SLC4A5: variants seen among roughly 807,000 people sequenced by gnomAD.
SLC4A5 encodes the protein electrogenic sodium bicarbonate cotransporter 4.
Under a neutral mutation model 120.4 loss-of-function variants are expected in SLC4A5, and 96 were observed. The observed-to-expected ratio is 0.80, with a 90% confidence interval of 0.68 to 0.94. SLC4A5 has a LOEUF of 0.94. SLC4A5 is among the 40% of genes least tolerant of loss of function. The pLI is 0.00. For missense variants in SLC4A5, 1,259 were observed against 1,459.5 expected (o/e 0.86, Z 2.24); for synonymous variants, 550 against 571.1 (o/e 0.96, Z 0.53).
chr2:74,299,509 A>G (rs905896032), intron 7 of SLC4A5, among the ~76,000 whole-genome samples: 1 of 152,200 alleles, frequency 6.6e-6, no homozygotes, highest in Non-Finnish European at 1.5e-5. Context: ...CTGTGAGTCC[A>G]TCAAGCCTCT....
intron 7 of SLC4A5, among the ~76,000 whole-genome samples, chr2:74,286,422 G>T (rs1471998654): frequency 6.6e-6 from 1 of 152,186 alleles, no homozygotes; most frequent in Non-Finnish European, 1.5e-5. Flanking sequence ...CTTTCCAGCT[G>T]CCCATTGGAA....
At chr2:74,315,265 C>G (rs1046722912) in intron 5 of SLC4A5, among the ~76,000 whole-genome samples, 2 of 151,680 alleles carry the variant, frequency 1.3e-5, no homozygotes, top group Non-Finnish European at 2.9e-5. Context: ...TACAGTGAAA[C>G]TGCATCTCTA....
chr2:74,259,930 C>G (rs956623728), intron 11 of SLC4A5, among the ~76,000 whole-genome samples: 2 of 152,200 alleles, frequency 1.3e-5, no homozygotes, highest in Non-Finnish European at 2.9e-5. Context: ...TGTCACCAGG[C>G]TGTCTACTCT....
rs187934828 is a variant in SLC4A5 at position 74,221,565 on chromosome 2, C to T, written c.3332-64G>A. 22 of 1,502,918 alleles carry T rather than the reference C, an allele frequency of 1.5e-5. No individual in the cohort carries two copies. In the African/African-American group the frequency reaches 2.3e-4, roughly 16 times the overall value. 93.1% of individuals were successfully genotyped at this position (1,502,918 alleles called of 1,614,324 possible). A position where few individuals can be genotyped will look rare whatever the true frequency, so the allele number is the denominator to read the frequency against. ...TTGAGCACCATATTTCTCCGGGCTT[C>T]CCCCACCATTTCCTTTCTTTTCCTT... On this transcript the variant is annotated intron_variant, in intron 29 of 30. Coordinates refer to ENST00000394019, the Ensembl canonical transcript of SLC4A5.
intron 5 of SLC4A5, among the ~76,000 whole-genome samples, chr2:74,320,659 T>C (rs962535704): frequency 1.3e-5 from 2 of 152,150 alleles, no homozygotes; most frequent in African/African-American, 4.8e-5. Context: ...GGAGGAACTC[T>C]AGCAAGATGA....
chr2:74,252,085 C>A (rs1470242784), intron 16 of SLC4A5, 94 bp downstream of exon 16: 2 of 1,394,580 alleles, frequency 1.4e-6, no homozygotes, highest in African/African-American at 2.8e-5. Flanking sequence ...CGAGTGGGCA[C>A]TACAGACCAT....
At chr2:74,293,139 C>T (rs1031952032) in intron 7 of SLC4A5, among the ~76,000 whole-genome samples, 2 of 152,032 alleles carry the variant, frequency 1.3e-5, no homozygotes, top group African/African-American at 4.8e-5. Flanking sequence ...GAGAGGGAAC[C>T]CAAAGGAGCC....
chr2:74,217,229 A>C (rs1269887229), exon 31 of SLC4A5: 1 of 152,200 alleles, frequency 6.6e-6, no homozygotes, highest in Non-Finnish European at 1.5e-5. Context: ...TGATTTACTC[A>C]AGGTTTAAAT....
At chr2:74,285,830 G>T (rs1428688220) in exon 8 of SLC4A5, 1 of 1,612,770 alleles carries the variant, frequency 6.2e-7, no homozygotes, top group Non-Finnish European at 8.5e-7. Flanking sequence ...ATCCATCTCT[G>T]TAAAGAGGGT....
At chr2:74,219,221 T>TGTGTGTGTGTGTG in intron 30 of SLC4A5, among the ~76,000 whole-genome samples, 1 of 90,342 alleles carries the variant, frequency 1.1e-5, no homozygotes, top group South Asian at 3.7e-4. Context: ...GTGTGTGTGT[T>TGTGTGTGTGTGTG]TGTGTGTGTT....
intron 6 of SLC4A5, chr2:74,306,760 A>ACTTTGC: frequency 9.2e-7 from 1 of 1,084,714 alleles, no homozygotes; most frequent in Admixed American, 1.9e-5. Context: ...TTATTCTCAG[A>ACTTTGC]CACCACTTTG....
chr2:74,252,311 C>A, exon 16 of SLC4A5: 1 of 1,613,192 alleles, frequency 6.2e-7, no homozygotes, highest in Non-Finnish European at 8.5e-7. Flanking sequence ...ACCTCCATTG[C>A]CTCCTCCAGG....
At chr2:74,252,916 G>A in intron 15 of SLC4A5, 58 bp downstream of exon 15, 3 of 1,579,738 alleles carry the variant, frequency 1.9e-6, no homozygotes, top group Non-Finnish European at 2.6e-6. Flanking sequence ...GAAATAAAAT[G>A]ATACCGACAG....
At chr2:74,315,062 C>T in intron 5 of SLC4A5, 37 bp from the exon 6 acceptor site, 1 of 1,519,138 alleles carries the variant, frequency 6.6e-7, no homozygotes, top group African/African-American at 1.4e-5. Flanking sequence ...AAAATGTATA[C>T]ATTAAAAAGG....
chr2:74,285,738 G>A (rs1671960821), intron 8 of SLC4A5, 35 bp downstream of exon 8: 4 of 1,602,376 alleles, frequency 2.5e-6, no homozygotes, highest in Middle Eastern at 1.7e-4. Flanking sequence ...GTGTGAGACT[G>A]AAGTGCCCAC....
chr2:74,234,947 T>C (rs929465428), intron 22 of SLC4A5, among the ~76,000 whole-genome samples, 154 bp downstream of exon 22: 7 of 152,122 alleles, frequency 4.6e-5, no homozygotes, highest in African/African-American at 1.7e-4. Context: ...AAGGACTGGC[T>C]CCTGGGAGCC....
rs1402718964 is a variant in SLC4A5 at position 74,341,300 on chromosome 2, A to G, written c.-270+1158T>C. The stretch of plus-strand genomic sequence containing the variant: ...CAGCCTAGCGACAGAGCGAGACTCC[A>G]TCTCAAAAAAAAAAAAAAAAAAAGA... On this transcript the variant is annotated intron_variant, in intron 2 of 30. Transcript: ENST00000394019. Among the ~76,000 whole-genome samples, 3 of 123,230 alleles carry G rather than the reference A, an allele frequency of 2.4e-5. No individual in the cohort carries two copies. The East Asian group carries it at 1.1e-3, about 46-fold the overall frequency. 80.8% of individuals were successfully genotyped at this position (123,230 alleles called of 152,430 possible).
At position 74,221,944 on chromosome 2, in the gene SLC4A5, T is replaced by G. The variant is rs568270684; in HGVS notation, c.3332-443A>C. Among the ~76,000 whole-genome samples the G allele has an allele frequency of 4.8e-4, 73 of 152,200 alleles. No homozygotes were observed. In the South Asian group the frequency reaches 0.014, roughly 30 times the overall value. The stretch of plus-strand genomic sequence containing the variant: ...TGCCTGGATGACAGGACTGGCCACC[T>G]ATAGGGAGCTGAGGCTGGGAGGGGT... On this transcript the variant is annotated intron_variant, in intron 29 of 30. Coordinates refer to ENST00000394019, the Ensembl canonical transcript of SLC4A5.
intron 8 of SLC4A5, among the ~76,000 whole-genome samples, chr2:74,268,707 C>T (rs1473172304): frequency 6.6e-6 from 1 of 152,220 alleles, no homozygotes; most frequent in Non-Finnish European, 1.5e-5. Flanking sequence ...GTGCCCACTG[C>T]CACCAATGAG....
Sources: gnomAD v4.1 joint callset for allele counts (sites outside exome capture counted in the v4.1 genomes callset) on GRCh38, gnomAD v4.1.1 for gene constraint, MANE v1.5 for transcripts, NCBI Gene and HGNC (gene_info 2026-07-23, HGNC 2026-07-21) for gene names.